The following PDE11A variants were observed in gnomAD, a reference collection of about 807,000 sequenced individuals.
PDE11A encodes the protein phosphodiesterase 11A.
Under a neutral mutation model 100.5 loss-of-function variants are expected in PDE11A, and 100 were observed. That is an observed-to-expected ratio of 1.00 (90% CI 0.85 to 1.18). The LOEUF is 1.18. Among genes scored for constraint, PDE11A ranks in the 50% most tolerant of loss-of-function variants. The pLI, the probability that PDE11A is intolerant of heterozygous loss-of-function variation, is 0.00. For missense variants in PDE11A, 1,141 were observed against 1,152.6 expected, an observed-to-expected ratio of 0.99 and a Z score of 0.15; for synonymous variants, 381 against 420.8, an observed-to-expected ratio of 0.91 and a Z score of 1.16.
At chr2:177,681,048 G>A (rs1409546549) in intron 15 of PDE11A, 145 bp from the exon 16 acceptor site, 3 of 627,644 alleles carry the variant, frequency 4.8e-6, no homozygotes, top group East Asian at 5.5e-5. Flanking sequence ...TGAGGCTAAA[G>A]CACTATCAAA....
chr2:177,678,583 T>C (rs187400378), intron 16 of PDE11A, among the ~76,000 whole-genome samples: 20 of 152,310 alleles, frequency 1.3e-4, no homozygotes, highest in Admixed American at 2.0e-4. Flanking sequence ...TAGTTGGTTT[T>C]ATTACTATTT....
intron 2 of PDE11A, among the ~76,000 whole-genome samples, chr2:177,958,961 A>G (rs1303616061): frequency 6.6e-6 from 1 of 152,248 alleles, no homozygotes; most frequent in Non-Finnish European, 1.5e-5. Context: ...AGAAATTCCC[A>G]TGAAGATAAG....
chr2:178,028,641 T>C (rs2086507974), intron 1 of PDE11A, among the ~76,000 whole-genome samples: 1 of 152,216 alleles, frequency 6.6e-6, no homozygotes, highest in Admixed American at 6.5e-5. Flanking sequence ...TCTGCTGCCT[T>C]GTAACATGTC....
At chr2:177,685,627 G>C (rs1437936965) in intron 15 of PDE11A, among the ~76,000 whole-genome samples, 3 of 151,940 alleles carry the variant, frequency 2.0e-5, no homozygotes, top group Admixed American at 2.0e-4. Flanking sequence ...TTGGCTCACT[G>C]GTTCTGAGGC....
At chr2:177,789,151 C>T (rs959504733) in intron 9 of PDE11A, among the ~76,000 whole-genome samples, 16 of 152,144 alleles carry the variant, frequency 1.1e-4, no homozygotes, top group Non-Finnish European at 2.2e-4. Context: ...AAAGTACTGG[C>T]AAACCGAATC....
At chr2:177,833,909 G>A (rs1376590146) in intron 6 of PDE11A, among the ~76,000 whole-genome samples, 1 of 152,202 alleles carries the variant, frequency 6.6e-6, no homozygotes, top group East Asian at 1.9e-4. Flanking sequence ...CCTGCACAGG[G>A]GGCTTACCTG....
intron 6 of PDE11A, among the ~76,000 whole-genome samples, chr2:177,836,586 C>T (rs1314482675): frequency 6.6e-6 from 1 of 152,178 alleles, no homozygotes; most frequent in Non-Finnish European, 1.5e-5. Context: ...CAGTGGCAAC[C>T]CGCTTGGGTT....
chr2:178,048,408 C>G (rs1205534888), intron 1 of PDE11A, among the ~76,000 whole-genome samples: 1 of 152,080 alleles, frequency 6.6e-6, no homozygotes, highest in East Asian at 1.9e-4. Context: ...GGTGGCATGG[C>G]ATATGTCAGA....
At chr2:177,771,274 C>T (rs2082307219) in intron 9 of PDE11A, among the ~76,000 whole-genome samples, 1 of 152,164 alleles carries the variant, frequency 6.6e-6, no homozygotes, top group Non-Finnish European at 1.5e-5. Flanking sequence ...TTAGTATTTC[C>T]CAAATTTAAT....
chr2:177,890,032 C>A (rs2084505499), intron 4 of PDE11A, among the ~76,000 whole-genome samples: 1 of 152,042 alleles, frequency 6.6e-6, no homozygotes, highest in African/African-American at 2.4e-5. Context: ...TTTAGGGTGG[C>A]TGCATTTGAA....
chr2:178,071,658 C>T lies in PDE11A; in HGVS notation c.780G>A (p.Val260=). The stretch of plus-strand genomic sequence containing the variant: ...AAGGCAGCAGAGGTGTTCCTGCATG[C>T]ACATCAAAGAATTTGGAGACCAAGG... The part of the protein sequence containing the change: ...KKTLVSKFFD[V]HAGTPLLPCS... Residue 260 remains valine (V), a synonymous_variant, in exon 1 of 20, where the codon GTG becomes GTA. Transcript: ENST00000286063. The T allele has an allele frequency of 6.2e-7, 1 of 1,613,326 alleles. No homozygotes were observed. Among genetic ancestry groups the T allele is most frequent in the Non-Finnish European group, 8.5e-7 (1 of 1,179,248 alleles).
chr2:177,881,380 T>TATCTATCTATCG (rs1553485646), intron 4 of PDE11A, among the ~76,000 whole-genome samples: 1 of 149,284 alleles, frequency 6.7e-6, no homozygotes, highest in African/African-American at 2.5e-5. Flanking sequence ...TCTATCTATC[T>TATCTATCTATCG]ATCTATCCAT....
chr2:177,671,167 G>C (rs558556578), intron 17 of PDE11A, among the ~76,000 whole-genome samples: 7 of 152,254 alleles, frequency 4.6e-5, no homozygotes, highest in African/African-American at 1.2e-4. Flanking sequence ...GGCGCCTCAA[G>C]GTGGGAGTCC....
chr2:177,853,223 T>G (rs555192053), intron 5 of PDE11A, among the ~76,000 whole-genome samples: 2 of 152,238 alleles, frequency 1.3e-5, no homozygotes, highest in East Asian at 3.9e-4. Flanking sequence ...ATTTTTAGTT[T>G]CCATAATGGA....
intron 5 of PDE11A, among the ~76,000 whole-genome samples, chr2:177,845,844 C>G (rs1351833654): frequency 6.6e-6 from 1 of 152,220 alleles, no homozygotes; most frequent in Admixed American, 6.5e-5. Flanking sequence ...GCCTGGCCAA[C>G]ACAGCGAAAC....
chr2:178,069,519 C>A (rs1009617524), intron 1 of PDE11A, among the ~76,000 whole-genome samples: 1 of 152,096 alleles, frequency 6.6e-6, no homozygotes, highest in Non-Finnish European at 1.5e-5. Flanking sequence ...CCCTACCTGC[C>A]TTTTGCCAGT....
chr2:177,889,412 T>C (rs1251621039), intron 4 of PDE11A, among the ~76,000 whole-genome samples: 1 of 152,196 alleles, frequency 6.6e-6, no homozygotes, highest in Non-Finnish European at 1.5e-5. Flanking sequence ...CCTGAAATGG[T>C]GTGTTCCTTC....
intron 2 of PDE11A, among the ~76,000 whole-genome samples, chr2:178,011,228 G>C (rs2086270558): frequency 6.6e-6 from 1 of 152,272 alleles, no homozygotes; most frequent in African/African-American, 2.4e-5. Context: ...GCTCTGAGTT[G>C]TAAGTATGCA....
rs1210588359 is a variant in PDE11A at position 178,072,718 on chromosome 2, C to G, written c.-281G>C. 7.3e-7 allele frequency: 1 copy of G among 1,371,682 alleles called. No homozygotes were observed. 85.0% of individuals were successfully genotyped at this position (1,371,682 alleles called of 1,614,324 possible). A position where few individuals can be genotyped will look rare whatever the true frequency, so the allele number is the denominator to read the frequency against. ...TGCCCCGGCTCCTGTTCCGGAAACC[C>G]GAGCTATCGCTGCTCCTGTTCTGGC... On this transcript the variant is annotated 5_prime_UTR_variant, in exon 1 of 20. Coordinates refer to ENST00000286063, the MANE Select transcript of PDE11A (RefSeq NM_016953.4).
Sources: gnomAD v4.1 joint callset for allele counts (sites outside exome capture counted in the v4.1 genomes callset) on GRCh38, gnomAD v4.1.1 for gene constraint, MANE v1.5 for transcripts, NCBI Gene and HGNC (gene_info 2026-07-23, HGNC 2026-07-21) for gene names.